Variants in GNB1 observed in about 807,000 individuals in gnomAD.
GNB1 encodes the protein guanine nucleotide-binding protein G(I)/G(S)/G(T) subunit beta-1.
A neutral mutation model predicts 42.9 loss-of-function variants in GNB1; 2 were observed. The observed-to-expected ratio is 0.05, with a 90% CI of 0.02 to 0.15. GNB1 has a LOEUF of 0.15. Among genes scored for constraint, GNB1 ranks in the 10% least tolerant of loss-of-function variants. The pLI is 1.00. For missense variants in GNB1, 193 were observed against 462.2 expected (o/e 0.42, Z 5.34); for synonymous variants, 183 against 174.7 (o/e 1.05, Z -0.38).
At chr1:1,856,032 T>C (rs994452265) in intron 1 of GNB1, among the ~76,000 whole-genome samples, 6 of 152,206 alleles carry the variant, frequency 3.9e-5, no homozygotes, top group Non-Finnish European at 8.8e-5. Context: ...TTTCTTCTTC[T>C]TCTTTAAGAG....
At chr1:1,840,240 A>G (rs1391743826) in intron 1 of GNB1, among the ~76,000 whole-genome samples, 1 of 151,558 alleles carries the variant, frequency 6.6e-6, no homozygotes, top group African/African-American at 2.4e-5. Context: ...AAAGAAAAAA[A>G]AAAAAAAGCT....
intron 1 of GNB1, among the ~76,000 whole-genome samples, chr1:1,864,100 A>G (rs1431733392): frequency 6.6e-6 from 1 of 151,820 alleles, no homozygotes; most frequent in African/African-American, 2.4e-5. Context: ...AGGCAGGTGG[A>G]TCACGAGGTC....
At chr1:1,812,665 G>C (rs752564910) in intron 5 of GNB1, among the ~76,000 whole-genome samples, 1 of 152,174 alleles carries the variant, frequency 6.6e-6, no homozygotes, top group Non-Finnish European at 1.5e-5. Flanking sequence ...CCTCACTGAA[G>C]ACCGCCTTGC....
intron 1 of GNB1, among the ~76,000 whole-genome samples, chr1:1,854,609 C>T (rs1648163982): frequency 6.6e-6 from 1 of 152,148 alleles, no homozygotes; most frequent in Non-Finnish European, 1.5e-5. Flanking sequence ...GACATTCCTT[C>T]CTAAGTAAGT....
Position 1,804,520 on chromosome 1 carries a change from T to C in GNB1, c.329A>G (p.Asn110Ser). 1 of 1,613,464 alleles carries C rather than the reference T, an allele frequency of 6.2e-7. No homozygotes were observed. The highest frequency in any genetic ancestry group is 8.5e-7 in the Non-Finnish European group (1 of 1,179,486). Residue 110 changes from asparagine (N) to serine (S), a missense_variant, in exon 7 of 12, where the codon AAC (asparagine) becomes AGC (serine). Asn to Ser is a conservative substitution (Grantham distance 46). Coordinates refer to ENST00000378609, the MANE Select transcript of GNB1 (RefSeq NM_002074.5). ...VMTCAYAPSG[N>S]YVACGGLDNI... ...ATCCAGGCCACCGCAGGCCACATAG[T>C]TCCCAGAAGGGGCATATGCACAGGT... is the stretch of plus-strand genomic sequence containing the variant.
intron 1 of GNB1, among the ~76,000 whole-genome samples, chr1:1,857,622 T>G (rs1456338348): frequency 6.6e-6 from 1 of 151,978 alleles, no homozygotes; most frequent in Non-Finnish European, 1.5e-5. Context: ...GGCCAAGCAA[T>G]GACGATATCT....
In GNB1 at chr1:1,790,229, C is replaced by A. The variant is rs928623536; in HGVS notation, c.699+166G>T. On this transcript the variant is annotated intron_variant, in intron 9 of 11. Transcript: ENST00000378609. The surrounding 1 kb of genome is among the most constrained non-coding windows in gnomAD (Gnocchi z 5.4). ...GAGTATCTGTGAGACAAGTGGTCAA[C>A]ACAGAGAAGTTTCCCATCGGGAGTT... 4.6e-5 allele frequency among the ~76,000 whole-genome samples: 7 copies of A among 152,356 alleles called. No individual in the cohort carries two copies. Among genetic ancestry groups the A allele is most frequent in the Admixed American group, 3.9e-4 (6 of 15,308 alleles).
At position 1,882,920 on chromosome 1, in the gene GNB1, C is replaced by CA. The variant is rs571867262; in HGVS notation, c.-96+7899dup. Among the ~76,000 whole-genome samples, 489 of 114,748 alleles carry CA rather than the reference C, an allele frequency of 4.3e-3. 5 individuals carry two copies. Among genetic ancestry groups the CA allele is most frequent in the Middle Eastern group, 0.013 (3 of 226 alleles). 75.3% of individuals were successfully genotyped at this position (114,748 alleles called of 152,430 possible). On this transcript the variant is annotated intron_variant, in intron 1 of 11. Transcript: ENST00000378609. ...TGGGTGACAGGGCAAGACTCCGTCTCAAAAAAAAAAAAAGGACATAAACTT... is the reference window on the plus strand; with the variant it reads ...TGGGTGACAGGGCAAGACTCCGTCTCAAAAAAAAAAAAAAGGACATAAACTT...
Position 1,797,072 on chromosome 1 carries a change from G to A in GNB1, c.431-3761C>T, listed in dbSNP as rs552225358. On this transcript the variant is annotated intron_variant, in intron 7 of 11. Coordinates refer to ENST00000378609, the MANE Select transcript of GNB1 (RefSeq NM_002074.5). ...CACTGCTCTACCCAGCATGGCTGCC[G>A]ACCCAAAGACAGCAAAGCCAAGAAG... Among the ~76,000 whole-genome samples the A allele has an allele frequency of 3.7e-4, 56 of 152,236 alleles. 1 individual carries two copies. Among genetic ancestry groups the A allele is most frequent in the Non-Finnish European group, 5.4e-4 (37 of 68,010 alleles).
intron 5 of GNB1, among the ~76,000 whole-genome samples, chr1:1,806,988 G>A (rs1646703785): frequency 6.6e-6 from 1 of 151,402 alleles, no homozygotes; most frequent in Non-Finnish European, 1.5e-5. Context: ...AAGAAAGAAA[G>A]AAAGGAAAGG....
At chr1:1,788,981 A>G (rs1646443373) in intron 10 of GNB1, 72 bp downstream of exon 10, 2 of 1,109,832 alleles carry the variant, frequency 1.8e-6, no homozygotes, top group South Asian at 2.5e-5. Context: ...AGCTTATGCA[A>G]CCACTCTGTG....
intron 8 of GNB1, among the ~76,000 whole-genome samples, chr1:1,791,254 C>T (rs1391954569): frequency 1.3e-5 from 2 of 151,924 alleles, no homozygotes; most frequent in Non-Finnish European, 2.9e-5. Context: ...TCACCACAAC[C>T]TCCGCCTCCC....
Position 1,878,535 on chromosome 1 carries a change from C to A in GNB1, c.-96+12285G>T, listed in dbSNP as rs929790566. Reference sequence around the variant, plus strand: ...CTCTCTCCTCAAATGTTTGGACCACCCTTTTCAACATGGAAGCACCAGCAA... The same window carrying A: ...CTCTCTCCTCAAATGTTTGGACCACACTTTTCAACATGGAAGCACCAGCAA... On this transcript the variant is annotated intron_variant, in intron 1 of 11. Coordinates refer to ENST00000378609, the MANE Select transcript of GNB1 (RefSeq NM_002074.5). Among the ~76,000 whole-genome samples the A allele has an allele frequency of 5.9e-5, 9 of 152,276 alleles. No individual in the cohort carries two copies. In the South Asian group the frequency reaches 6.2e-4, roughly 11 times the overall value.
At chr1:1,816,701 T>A (rs563687615) in intron 4 of GNB1, among the ~76,000 whole-genome samples, 1 of 146,328 alleles carries the variant, frequency 6.8e-6, no homozygotes, top group African/African-American at 2.5e-5. Flanking sequence ...CAGGCTGGAG[T>A]GCAGTGGTGC....
chr1:1,853,745 C>G (rs1373671045), intron 1 of GNB1, among the ~76,000 whole-genome samples: 1 of 152,184 alleles, frequency 6.6e-6, no homozygotes, highest in Middle Eastern at 3.4e-3. Context: ...GCTCTATAAA[C>G]CTCAGCTAAT....
At chr1:1,814,102 T>C (rs1002956950) in intron 5 of GNB1, among the ~76,000 whole-genome samples, 10 of 152,214 alleles carry the variant, frequency 6.6e-5, no homozygotes, top group Non-Finnish European at 1.3e-4. Flanking sequence ...TTCCCACTTT[T>C]ATTCTTTCTG....
At chr1:1,876,630 T>C (rs1411430136) in intron 1 of GNB1, among the ~76,000 whole-genome samples, 1 of 152,014 alleles carries the variant, frequency 6.6e-6, no homozygotes, top group Non-Finnish European at 1.5e-5. Context: ...CCTCCCAAAG[T>C]GATAAGTGTC....
chr1:1,819,723 T>A (rs1335627721), intron 3 of GNB1, among the ~76,000 whole-genome samples: 3 of 113,676 alleles, frequency 2.6e-5, no homozygotes, highest in Admixed American at 2.0e-4. Context: ...TTTTTTTTTG[T>A]AGAGATGGGG....
At chr1:1,793,197 G>A (rs1646503838) in intron 8 of GNB1, 48 bp downstream of exon 8, 2 of 1,152,062 alleles carry the variant, frequency 1.7e-6, no homozygotes, top group Non-Finnish European at 2.6e-6. Flanking sequence ...GAATGTGCCA[G>A]GGGCTGTGGG....
Sources: allele counts gnomAD v4.1 joint callset (sites outside exome capture counted in the v4.1 genomes callset), GRCh38; gene constraint gnomAD v4.1.1; non-coding constraint Gnocchi (gnomAD v3.1); transcripts MANE v1.5; gene names NCBI Gene and HGNC (gene_info 2026-07-23, HGNC 2026-07-21).